Variants in ETV6 observed in about 807,000 individuals in gnomAD.
The protein encoded by ETV6 is ETS variant transcription factor 6.
In ETV6, 16 loss-of-function variants were observed where a neutral mutation model predicts 51.1. That is an observed-to-expected ratio of 0.31 (90% CI 0.21 to 0.48). ETV6 has a LOEUF of 0.48. Among genes scored for constraint, ETV6 ranks in the 20% least tolerant of loss-of-function variants. ETV6 has a pLI of 0.99. For synonymous variants in ETV6, 240 were observed against 224.1 expected (o/e 1.07, Z -0.64); for missense variants, 458 against 594.8 (o/e 0.77, Z 2.39).
At chr12:11,787,774 A>G in intron 2 of ETV6, among the ~76,000 whole-genome samples, 1 of 152,218 alleles carries the variant, frequency 6.6e-6, no homozygotes, top group Non-Finnish European at 1.5e-5. Context: ...GCTTTGGGTC[A>G]AAGCCAAAAA....
chr12:11,710,304 G>A (rs527616652), intron 1 of ETV6, among the ~76,000 whole-genome samples: 1 of 152,038 alleles, frequency 6.6e-6, no homozygotes, highest in Admixed American at 6.5e-5. Flanking sequence ...TACCTTCTCT[G>A]TGGAGCCCTG....
chr12:11,784,155 C>A (rs1051253404), intron 2 of ETV6, among the ~76,000 whole-genome samples: 2 of 152,192 alleles, frequency 1.3e-5, no homozygotes, highest in Non-Finnish European at 2.9e-5. Flanking sequence ...ACAGGCCAGG[C>A]ACAGTGGCTC....
At chr12:11,758,452 TTCTG>T (rs986332943) in intron 2 of ETV6, among the ~76,000 whole-genome samples, 10 of 152,058 alleles carry the variant, frequency 6.6e-5, no homozygotes, top group African/African-American at 2.4e-4. Context: ...GGACCTAGGG[TTCTG>T]TCTGTGTATT....
intron 5 of ETV6, among the ~76,000 whole-genome samples, chr12:11,879,002 G>T (rs1349590966): frequency 6.6e-6 from 1 of 152,076 alleles, no homozygotes; most frequent in African/African-American, 2.4e-5. Context: ...GATGCTAGGA[G>T]CACCCTGCAC....
chr12:11,805,997 G>A (rs1232152392), intron 2 of ETV6, among the ~76,000 whole-genome samples: 1 of 152,208 alleles, frequency 6.6e-6, no homozygotes, highest in East Asian at 1.9e-4. Context: ...AGGGCAGACT[G>A]TATACCTTGT....
chr12:11,836,190 C>G (rs1332154142), intron 2 of ETV6, among the ~76,000 whole-genome samples: 2 of 150,146 alleles, frequency 1.3e-5, no homozygotes, highest in African/African-American at 4.9e-5. Flanking sequence ...TTTCCCCCCT[C>G]AATTCTACAC....
chr12:11,753,408 T>G (rs1325067378), intron 2 of ETV6, among the ~76,000 whole-genome samples: 1 of 152,176 alleles, frequency 6.6e-6, no homozygotes, highest in Non-Finnish European at 1.5e-5. Context: ...CTGAATCACC[T>G]GATTCCCACC....
At chr12:11,851,912 T>C (rs1946562518) in intron 3 of ETV6, among the ~76,000 whole-genome samples, 1 of 152,244 alleles carries the variant, frequency 6.6e-6, no homozygotes, top group Non-Finnish European at 1.5e-5. Flanking sequence ...AGGTCCATGC[T>C]GAGCTTGAAA....
At chr12:11,858,491 C>T (rs1946665425) in intron 4 of ETV6, among the ~76,000 whole-genome samples, 1 of 152,012 alleles carries the variant, frequency 6.6e-6, no homozygotes, top group Non-Finnish European at 1.5e-5. Flanking sequence ...TAAAATAAGC[C>T]TCCCTTCTGG....
chr12:11,813,668 C>T (rs1405002978), intron 2 of ETV6, among the ~76,000 whole-genome samples: 5 of 145,816 alleles, frequency 3.4e-5, no homozygotes, highest in Non-Finnish European at 6.0e-5. Context: ...GAACTGACAA[C>T]TATAAATCCA....
At chr12:11,820,384 T>C (rs538822412) in intron 2 of ETV6, among the ~76,000 whole-genome samples, 67 of 152,288 alleles carry the variant, frequency 4.4e-4, no homozygotes, top group African/African-American at 1.6e-3. Context: ...GTTCACATGC[T>C]AGTGAAGAAA....
intron 1 of ETV6, among the ~76,000 whole-genome samples, chr12:11,742,586 A>T (rs1462669999): frequency 6.6e-6 from 1 of 152,154 alleles, no homozygotes; most frequent in Admixed American, 6.5e-5. Flanking sequence ...CTCCTTCCCC[A>T]GTTACTGTCA....
intron 1 of ETV6, among the ~76,000 whole-genome samples, chr12:11,707,195 C>T (rs892271497): frequency 2.0e-5 from 3 of 152,008 alleles, no homozygotes; most frequent in African/African-American, 2.4e-5. Flanking sequence ...GGAGGCTAGA[C>T]GTGAAAAAAA....
intron 2 of ETV6, among the ~76,000 whole-genome samples, chr12:11,796,217 A>T (rs749887038): frequency 3.3e-5 from 5 of 152,152 alleles, no homozygotes; most frequent in Non-Finnish European, 5.9e-5. Context: ...AGGACTAGTT[A>T]TGATGCATTT....
chr12:11,744,175 C>T (rs1865865270), intron 1 of ETV6, among the ~76,000 whole-genome samples: 2 of 152,188 alleles, frequency 1.3e-5, no homozygotes, highest in South Asian at 2.1e-4. Context: ...GATTGAGAAG[C>T]GCTGTCTAAT....
At chr12:11,786,247 T>C (rs1005001217) in intron 2 of ETV6, among the ~76,000 whole-genome samples, 3 of 152,186 alleles carry the variant, frequency 2.0e-5, no homozygotes, top group African/African-American at 7.2e-5. Context: ...GAAGTCTCCA[T>C]TTTTATTATA....
chr12:11,765,260 C>T (rs897824049), intron 2 of ETV6, among the ~76,000 whole-genome samples: 17 of 152,270 alleles, frequency 1.1e-4, no homozygotes, highest in Admixed American at 8.5e-4. Flanking sequence ...AGAGCCCTGG[C>T]ACATACATAG....
At chr12:11,671,936 T>C (rs1163395617) in intron 1 of ETV6, among the ~76,000 whole-genome samples, 1 of 52,396 alleles carries the variant, frequency 1.9e-5, no homozygotes, top group East Asian at 5.4e-4. Flanking sequence ...TTTTAGGTCA[T>C]GTGAAAAAAA....
At chr12:11,829,687 A>C (rs1308850867) in intron 2 of ETV6, among the ~76,000 whole-genome samples, 1 of 152,234 alleles carries the variant, frequency 6.6e-6, no homozygotes, top group Non-Finnish European at 1.5e-5. Context: ...AATGAAGTTT[A>C]TAAGAAAAAA....
Sources: gnomAD v4.1 joint callset for allele counts (sites outside exome capture counted in the v4.1 genomes callset) on GRCh38, gnomAD v4.1.1 for gene constraint, MANE v1.5 for transcripts, NCBI Gene and HGNC (gene_info 2026-07-23, HGNC 2026-07-21) for gene names.